The following GPR174 variants were observed in gnomAD, a reference collection of about 807,000 sequenced individuals.
GPR174 encodes the protein G protein-coupled receptor 174.
In GPR174, 8 loss-of-function variants were observed where a neutral mutation model predicts 16.5. The observed-to-expected ratio is 0.48, with a 90% confidence interval of 0.28 to 0.87. The LOEUF (loss-of-function observed/expected upper bound fraction) is 0.87, where lower values mean the gene tolerates loss of function less well. Among genes scored for constraint, GPR174 ranks in the 40% least tolerant of loss-of-function variants. The pLI is 0.09. For synonymous variants in GPR174, 111 were observed against 94.8 expected (o/e 1.17, Z -0.99); for missense variants, 214 against 247.5 (o/e 0.86, Z 0.91).
At chrX:79,156,617 T>C (rs1238127387) in intron 1 of GPR174, among the ~76,000 whole-genome samples, 2 of 111,722 alleles carry the variant, frequency 1.8e-5, no homozygotes, top group Admixed American at 9.5e-5. Flanking sequence ...AAAGCTGCCA[T>C]GTCAAAAAGA....
intron 2 of GPR174, among the ~76,000 whole-genome samples, chrX:79,164,203 C>T (rs187358134): frequency 1.6e-3 from 183 of 110,959 alleles, no homozygotes; most frequent in African/African-American, 5.5e-3. Context: ...AATCTCTCCC[C>T]GCCCCCACCA....
At position 79,172,019 on chromosome X, in the gene GPR174, C is replaced by A. The variant is rs946488762; in HGVS notation, c.*10C>A. 5.1e-6 allele frequency: 6 copies of A among 1,172,634 alleles called. No homozygotes were observed. The highest frequency in any genetic ancestry group is 6.0e-5 in the East Asian group (2 of 33,443). The stretch of plus-strand genomic sequence containing the variant: ...ACCTGAATTATGCTAAAACAAAAAA[C>A]CAAACTGAATGTGACCTGAAATGCA... On this transcript the variant is annotated 3_prime_UTR_variant, in exon 3 of 3. Coordinates refer to ENST00000645147, the MANE Select transcript of GPR174 (RefSeq NM_032553.3).
rs1482926247 is a variant in GPR174, at chrX:79,174,672, T to C, written c.*2663T>C. The C allele has an allele frequency of 9.0e-6, 1 of 111,415 alleles. No individual in the cohort carries two copies. The highest frequency in any genetic ancestry group is 1.9e-5 in the Non-Finnish European group (1 of 53,093). The allele number at this position is 111,415 out of a possible 1,213,427, so 9.2% of individuals were successfully genotyped here. Reference sequence around the variant, plus strand: ...CATGGCTATCAGTTTCTCAGATGTCTGCTCACCTTCTTTTCATTTTGCCTC... The same window carrying C: ...CATGGCTATCAGTTTCTCAGATGTCCGCTCACCTTCTTTTCATTTTGCCTC... On this transcript the variant is annotated 3_prime_UTR_variant, in exon 3 of 3. Transcript: ENST00000645147.
At chrX:79,159,698 A>T (rs982174472) in intron 2 of GPR174, among the ~76,000 whole-genome samples, 3 of 111,753 alleles carry the variant, frequency 2.7e-5, no homozygotes, top group Non-Finnish European at 5.6e-5. Flanking sequence ...ACTATAAATC[A>T]TGCCTTATTA....
At chrX:79,161,922 C>T (rs928695234) in intron 2 of GPR174, among the ~76,000 whole-genome samples, 3 of 111,492 alleles carry the variant, frequency 2.7e-5, no homozygotes, top group Admixed American at 9.5e-5. Context: ...GGAGGTGATG[C>T]TTTTTCTTCA....
intron 2 of GPR174, among the ~76,000 whole-genome samples, chrX:79,157,446 G>A (rs1417115098): frequency 9.0e-6 from 1 of 111,589 alleles, no homozygotes; most frequent in Non-Finnish European, 1.9e-5. Context: ...TGGGAAACTA[G>A]GGTACACAGC....
In GPR174 at chrX:79,150,040, C is replaced by A. The variant is rs181927469; in HGVS notation, c.-654+4823C>A. ...TCTTTGTGTCTGTTTAGGTCTTTCC[C>A]AGGGGAACATTTACTCAGAAATTTT... On this transcript the variant is annotated intron_variant, in intron 1 of 2. Transcript: ENST00000645147. Among the ~76,000 whole-genome samples the A allele has an allele frequency of 5.0e-3, 556 of 110,913 alleles. 2 individuals are homozygous for A. The highest frequency in any genetic ancestry group is 0.014 in the Middle Eastern group (3 of 216).
At chrX:79,168,986 A>C (rs1407421568) in intron 2 of GPR174, among the ~76,000 whole-genome samples, 3 of 111,485 alleles carry the variant, frequency 2.7e-5, no homozygotes, top group Non-Finnish European at 5.7e-5. Flanking sequence ...TTTGAAACAT[A>C]AGTACAACTA....
At chrX:79,162,533 G>T (rs1052774165) in intron 2 of GPR174, among the ~76,000 whole-genome samples, 3 of 112,305 alleles carry the variant, frequency 2.7e-5, no homozygotes, top group Admixed American at 1.9e-4. Context: ...TTTATAACTT[G>T]AATGGCCTTT....
intron 1 of GPR174, among the ~76,000 whole-genome samples, chrX:79,156,577 C>T (rs985903857): frequency 2.1e-4 from 23 of 111,705 alleles, no homozygotes; most frequent in Admixed American, 1.8e-3. Flanking sequence ...ACTTTTCCAC[C>T]GACATTCCTA....
At chrX:79,151,577 C>T (rs1926602723) in intron 1 of GPR174, among the ~76,000 whole-genome samples, 1 of 111,079 alleles carries the variant, frequency 9.0e-6, no homozygotes, top group African/African-American at 3.3e-5. Context: ...CTATCTTGTC[C>T]CTTTCCACTT....
intron 2 of GPR174, among the ~76,000 whole-genome samples, chrX:79,159,844 G>T (rs899852511): frequency 2.7e-5 from 3 of 111,973 alleles, no homozygotes; most frequent in Non-Finnish European, 5.6e-5. Flanking sequence ...CCCTCTAAAA[G>T]TTATCTGGTT....
rs1024550010 is a variant in GPR174, at chrX:79,172,233, T to C, written c.*224T>C. On this transcript the variant is annotated 3_prime_UTR_variant, in exon 3 of 3. Transcript: ENST00000645147. ...ATGTAGTAATTTTTCTTCAAGTCTG[T>C]AAATCTTAAAATATCAAATTTCTGT... The C allele has an allele frequency of 2.1e-5, 8 of 373,356 alleles. No individual in the cohort carries two copies. The highest frequency in any genetic ancestry group is 3.3e-5 in the Non-Finnish European group (7 of 213,388). The allele number at this position is 373,356 out of a possible 1,213,427, so 30.8% of individuals were successfully genotyped here. A position where few individuals can be genotyped will look rare whatever the true frequency, so the allele number is the denominator to read the frequency against.
chrX:79,159,249 G>A (rs1921175107), intron 2 of GPR174, among the ~76,000 whole-genome samples: 1 of 111,342 alleles, frequency 9.0e-6, no homozygotes. Context: ...TCTAGTTAGA[G>A]AGAGAGAGTA....
intron 2 of GPR174, among the ~76,000 whole-genome samples, chrX:79,162,565 A>G (rs1208079803): frequency 8.9e-6 from 1 of 112,421 alleles, no homozygotes; most frequent in Admixed American, 9.4e-5. Context: ...TGCAAAGATG[A>G]TACAGAAATG....
At chrX:79,161,732 G>A (rs761337204) in intron 2 of GPR174, among the ~76,000 whole-genome samples, 50 of 111,798 alleles carry the variant, frequency 4.5e-4, no homozygotes, top group African/African-American at 1.3e-3. Flanking sequence ...CTGCAGTTTT[G>A]GAGGCCAGTG....
chrX:79,172,612 C>T lies in GPR174; in HGVS notation c.*603C>T, dbSNP rs935653549. The T allele has an allele frequency of 7.1e-5, 8 of 112,090 alleles. No homozygotes were observed. The highest frequency in any genetic ancestry group is 2.6e-4 in the African/African-American group (8 of 30,803). The allele number at this position is 112,090 out of a possible 1,213,427, so 9.2% of individuals were successfully genotyped here. A position where few individuals can be genotyped will look rare whatever the true frequency, so the allele number is the denominator to read the frequency against. On this transcript the variant is annotated 3_prime_UTR_variant, in exon 3 of 3. Transcript: ENST00000645147. Reference sequence around the variant, plus strand: ...TGTCAACATGAAACATCATTTGTCACACCTGTTCACAGAATGAAAATCTGA... The same window carrying T: ...TGTCAACATGAAACATCATTTGTCATACCTGTTCACAGAATGAAAATCTGA...
intron 2 of GPR174, among the ~76,000 whole-genome samples, 198 bp downstream of exon 2, chrX:79,157,116 T>A (rs1272195920): frequency 1.8e-5 from 2 of 111,874 alleles, no homozygotes; most frequent in Non-Finnish European, 3.8e-5. Flanking sequence ...CGAAAAGCTG[T>A]AGTTTCTGGA....
chrX:79,150,919 T>A (rs1474827323), intron 1 of GPR174, among the ~76,000 whole-genome samples: 2 of 111,225 alleles, frequency 1.8e-5, no homozygotes, highest in Non-Finnish European at 3.8e-5. Context: ...TTCCAGAGCT[T>A]TCTCACAGTT....
Sources: gnomAD v4.1 joint callset for allele counts (sites outside exome capture counted in the v4.1 genomes callset) on GRCh38, gnomAD v4.1.1 for gene constraint, MANE v1.5 for transcripts, NCBI Gene and HGNC (gene_info 2026-07-23, HGNC 2026-07-21) for gene names.